The following RAPGEF4 variants were observed in gnomAD, a reference collection of about 807,000 sequenced individuals.
The protein encoded by RAPGEF4 is RAP guanine-nucleotide-exchange factor (GEF) 4.
A neutral mutation model predicts 147.9 loss-of-function variants in RAPGEF4; 66 were observed. That is an observed-to-expected ratio of 0.45 (90% CI 0.37 to 0.55). The LOEUF (loss-of-function observed/expected upper bound fraction) is 0.55, where lower values mean the gene tolerates loss of function less well. RAPGEF4 is among the 20% of genes least tolerant of loss of function. RAPGEF4 has a pLI of 0.00. For missense variants in RAPGEF4, 1,071 were observed against 1,257.3 expected (o/e 0.85, Z 2.24); for synonymous variants, 419 against 442.7 (o/e 0.95, Z 0.67).
At chr2:173,030,590 G>A (rs1697101124) in intron 26 of RAPGEF4, among the ~76,000 whole-genome samples, 1 of 152,194 alleles carries the variant, frequency 6.6e-6, no homozygotes, top group East Asian at 1.9e-4. Context: ...AGATTGTATT[G>A]TTTTCTGAAA....
chr2:172,884,582 A>G (rs977725308), intron 4 of RAPGEF4, among the ~76,000 whole-genome samples: 1 of 152,166 alleles, frequency 6.6e-6, no homozygotes, highest in African/African-American at 2.4e-5. Flanking sequence ...CTGTGCTTGT[A>G]TTAATGCCAC....
intron 1 of RAPGEF4, among the ~76,000 whole-genome samples, chr2:172,760,933 C>T (rs1696258067): frequency 6.6e-6 from 1 of 151,694 alleles, no homozygotes; most frequent in Non-Finnish European, 1.5e-5. Context: ...TTAAAGAAAT[C>T]CACACCAAGA....
chr2:172,966,670 T>G (rs2105503488), intron 9 of RAPGEF4, among the ~76,000 whole-genome samples: 1 of 152,352 alleles, frequency 6.6e-6, no homozygotes, highest in Admixed American at 6.5e-5. Context: ...GAAAAAACTT[T>G]AAGACATCAG....
Position 172,824,494 on chromosome 2 carries a change from T to C in RAPGEF4, c.444+10069T>C, listed in dbSNP as rs189464950. ...TACAAGTCTGTGTTGAATTTCCTAGTGTAGTTTGTCCTTCTCTTCTATAGA... is the reference window on the plus strand; with the variant it reads ...TACAAGTCTGTGTTGAATTTCCTAGCGTAGTTTGTCCTTCTCTTCTATAGA... On this transcript the variant is annotated intron_variant, in intron 4 of 30. Coordinates refer to ENST00000397081, the MANE Select transcript of RAPGEF4 (RefSeq NM_007023.4). Among the ~76,000 whole-genome samples, 52 of 152,372 alleles carry C rather than the reference T, an allele frequency of 3.4e-4. No individual in the cohort carries two copies. The East Asian group carries it at 9.3e-3, about 27-fold the overall frequency.
At chr2:172,938,748 A>C (rs1432800453) in intron 6 of RAPGEF4, among the ~76,000 whole-genome samples, 1 of 152,210 alleles carries the variant, frequency 6.6e-6, no homozygotes, top group Non-Finnish European at 1.5e-5. Flanking sequence ...GTTTTGACAG[A>C]TGTCTAGTGC....
intron 5 of RAPGEF4, among the ~76,000 whole-genome samples, chr2:172,919,181 A>C (rs929625888): frequency 6.6e-6 from 1 of 152,104 alleles, no homozygotes; most frequent in Non-Finnish European, 1.5e-5. Context: ...ACATCTGGCA[A>C]GGCACGTAGT....
At chr2:172,828,845 A>G (rs1465837850) in intron 4 of RAPGEF4, among the ~76,000 whole-genome samples, 5 of 152,168 alleles carry the variant, frequency 3.3e-5, no homozygotes, top group African/African-American at 9.7e-5. Flanking sequence ...CCGTTCACAC[A>G]TTTGTTACCT....
At chr2:172,762,235 G>A (rs1449001275) in intron 1 of RAPGEF4, among the ~76,000 whole-genome samples, 4 of 152,228 alleles carry the variant, frequency 2.6e-5, no homozygotes, top group Admixed American at 2.6e-4. Context: ...AACGATGTTA[G>A]TTGGTGAGCA....
chr2:173,001,606 A>C (rs1693927824), intron 17 of RAPGEF4, among the ~76,000 whole-genome samples: 1 of 152,192 alleles, frequency 6.6e-6, no homozygotes, highest in South Asian at 2.1e-4. Flanking sequence ...TTTCATTGCT[A>C]TAAAGAAATA....
chr2:172,940,560 C>G (rs1262588842), intron 6 of RAPGEF4, among the ~76,000 whole-genome samples: 12 of 152,078 alleles, frequency 7.9e-5, no homozygotes, highest in African/African-American at 2.9e-4. Flanking sequence ...GTAAAAGCTC[C>G]CTGAGGCCTC....
At chr2:172,985,081 A>G (rs2602216) in intron 11 of RAPGEF4, among the ~76,000 whole-genome samples, 111,671 of 152,096 alleles carry the variant, frequency 0.73, 41,681 homozygotes, top group East Asian at 0.9. Flanking sequence ...GTCACTAGTA[A>G]CAACAGAATC....
chr2:172,904,934 G>A (rs547093422), intron 4 of RAPGEF4, among the ~76,000 whole-genome samples: 1 of 152,166 alleles, frequency 6.6e-6, no homozygotes, highest in African/African-American at 2.4e-5. Flanking sequence ...ACATGAGGAT[G>A]ATGGTTAAAA....
chr2:172,914,108 C>A (rs1025955418), intron 4 of RAPGEF4, among the ~76,000 whole-genome samples: 4 of 152,144 alleles, frequency 2.6e-5, no homozygotes, highest in Non-Finnish European at 4.4e-5. Context: ...ACTATTCCAA[C>A]AGCATCTATT....
intron 9 of RAPGEF4, 107 bp downstream of exon 9, chr2:172,965,790 T>A (rs1283938353): frequency 7.2e-7 from 1 of 1,396,812 alleles, no homozygotes; most frequent in Non-Finnish European, 1.0e-6. Flanking sequence ...TTACGATCCC[T>A]TTAGGGACCT....
chr2:172,968,098 G>A (rs972572841), intron 10 of RAPGEF4, among the ~76,000 whole-genome samples: 11 of 152,234 alleles, frequency 7.2e-5, no homozygotes, highest in Middle Eastern at 3.4e-3. Flanking sequence ...TTAAGCCCCC[G>A]TTTGATGCAG....
At chr2:172,933,905 A>G (rs1686246194) in intron 6 of RAPGEF4, among the ~76,000 whole-genome samples, 1 of 152,216 alleles carries the variant, frequency 6.6e-6, no homozygotes, top group Non-Finnish European at 1.5e-5. Context: ...AACTTAGTTC[A>G]CAAATTATTT....
chr2:172,903,553 A>AG (rs1553525081), intron 4 of RAPGEF4, among the ~76,000 whole-genome samples: 1 of 151,698 alleles, frequency 6.6e-6, no homozygotes, highest in Non-Finnish European at 1.5e-5. Context: ...AAAAAAAAAA[A>AG]GTTTCTAAAG....
chr2:172,994,256 C>G (rs1190113769), intron 15 of RAPGEF4, among the ~76,000 whole-genome samples: 1 of 152,200 alleles, frequency 6.6e-6, no homozygotes, highest in African/African-American at 2.4e-5. Flanking sequence ...CAGAAACAAA[C>G]TGAACAAGCC....
intron 1 of RAPGEF4, among the ~76,000 whole-genome samples, chr2:172,783,213 C>CG (rs1313714912): frequency 2.0e-5 from 3 of 152,144 alleles, no homozygotes; most frequent in African/African-American, 7.2e-5. Context: ...ATTCATCCAT[C>CG]GGCCGAGGAC....
Sources: allele counts gnomAD v4.1 joint callset (sites outside exome capture counted in the v4.1 genomes callset), GRCh38; gene constraint gnomAD v4.1.1; transcripts MANE v1.5; gene names NCBI Gene and HGNC (gene_info 2026-07-23, HGNC 2026-07-21).